Variants in KAZN observed in about 807,000 individuals in gnomAD.
The protein encoded by KAZN is kazrin, periplakin interacting protein.
Under a neutral mutation model 87.4 loss-of-function variants are expected in KAZN, and 40 were observed. The ratio of observed to expected loss-of-function variants is 0.46; its 90% confidence interval spans 0.36 to 0.60. KAZN has a LOEUF of 0.60. Ranked by LOEUF, KAZN falls within the 20% of genes least tolerant of loss-of-function variation. The pLI, the probability that KAZN is intolerant of heterozygous loss-of-function variation, is 0.00. For missense variants in KAZN, 898 were observed against 1,073.9 expected (o/e 0.84, Z 2.29); for synonymous variants, 466 against 458.3 (o/e 1.02, Z -0.22).
At chr1:13,961,581 A>T (rs1641755399) in intron 1 of KAZN, among the ~76,000 whole-genome samples, 1 of 152,202 alleles carries the variant, frequency 6.6e-6, no homozygotes, top group Admixed American at 6.5e-5. Context: ...ATTATCCAGA[A>T]GTTAATACAT....
At chr1:15,050,887 C>G (rs1048259631) in intron 4 of KAZN, among the ~76,000 whole-genome samples, 1 of 152,186 alleles carries the variant, frequency 6.6e-6, no homozygotes, top group Admixed American at 6.5e-5. Flanking sequence ...CCCATATTTG[C>G]CTCATCAGCT....
chr1:14,358,359 T>TA (rs57844400), intron 2 of KAZN, among the ~76,000 whole-genome samples: 42,178 of 148,652 alleles, frequency 0.28, 6,322 homozygotes, highest in South Asian at 0.45. Context: ...GTAAATCTTT[T>TA]AAAAAAAAAA....
chr1:14,644,064 T>G (rs1431292550), intron 1 of KAZN, among the ~76,000 whole-genome samples: 1 of 141,262 alleles, frequency 7.1e-6, no homozygotes, highest in Non-Finnish European at 1.5e-5. Flanking sequence ...CTGGCTGGAG[T>G]GCAGTGGCGC....
At chr1:14,845,330 C>T (rs574165349) in intron 1 of KAZN, among the ~76,000 whole-genome samples, 10 of 125,438 alleles carry the variant, frequency 8.0e-5, no homozygotes, top group East Asian at 7.7e-4. Context: ...GGTGGATGGA[C>T]GGATGGATGG....
chr1:14,565,821 T>C (rs775651223), intron 2 of KAZN, among the ~76,000 whole-genome samples: 13 of 152,228 alleles, frequency 8.5e-5, no homozygotes, highest in Non-Finnish European at 1.6e-4. Context: ...GATCCTGAGA[T>C]TCCAGTAATT....
chr1:14,445,021 A>C (rs72645931), intron 2 of KAZN, among the ~76,000 whole-genome samples: 4,112 of 131,020 alleles, frequency 0.031, 78 homozygotes, highest in Middle Eastern at 0.081. Context: ...ATCCAACATA[A>C]CCCGTGTGCT....
At chr1:14,941,735 G>A (rs1463625947) in intron 1 of KAZN, among the ~76,000 whole-genome samples, 2 of 152,134 alleles carry the variant, frequency 1.3e-5, no homozygotes, top group Non-Finnish European at 1.5e-5. Context: ...CATGAATGCC[G>A]AAAGCTGAAA....
intron 1 of KAZN, among the ~76,000 whole-genome samples, chr1:13,907,354 T>C (rs1325426849): frequency 1.3e-5 from 2 of 152,130 alleles, no homozygotes; most frequent in Admixed American, 1.3e-4. Context: ...GCCAGGATGC[T>C]TGGCAGGGTG....
At chr1:14,078,167 T>A (rs1643533615) in intron 1 of KAZN, among the ~76,000 whole-genome samples, 1 of 152,164 alleles carries the variant, frequency 6.6e-6, no homozygotes, top group Non-Finnish European at 1.5e-5. Context: ...GGCTTTGGGG[T>A]CAGGACACAT....
In KAZN at chr1:15,018,601, A is replaced by T. The variant is rs867225517; in HGVS notation, c.419-16148A>T. On this transcript the variant is annotated intron_variant, in intron 2 of 14. Coordinates refer to ENST00000376030, the MANE Select transcript of KAZN (RefSeq NM_201628.3). ...TGCAGAGACTTTAGGGAGTTGATTT[A>T]AAAAAAAAAAAACACTCCTTTCTTC... Among the ~76,000 whole-genome samples, 3 of 7,072 alleles carry T rather than the reference A, an allele frequency of 4.2e-4. 1 individual carries two copies. Among genetic ancestry groups the T allele is most frequent in the East Asian group, 8.5e-3 (1 of 118 alleles). 4.6% of individuals were successfully genotyped at this position (7,072 alleles called of 152,430 possible).
intron 2 of KAZN, among the ~76,000 whole-genome samples, chr1:14,513,543 A>G (rs1279165994): frequency 6.6e-6 from 1 of 152,178 alleles, no homozygotes; most frequent in East Asian, 1.9e-4. Context: ...CGTCTTTCTA[A>G]GGTACAGCAG....
At chr1:14,258,955 T>A (rs1650790416) in intron 2 of KAZN, among the ~76,000 whole-genome samples, 1 of 151,954 alleles carries the variant, frequency 6.6e-6, no homozygotes, top group South Asian at 2.1e-4. Flanking sequence ...AAATGCAGAG[T>A]AGCTCCAAAT....
chr1:14,245,032 C>A (rs1051845120), intron 2 of KAZN, among the ~76,000 whole-genome samples: 1 of 152,090 alleles, frequency 6.6e-6, no homozygotes, highest in Middle Eastern at 3.4e-3. Flanking sequence ...GAGATCTCGG[C>A]TCACTACTGC....
chr1:14,227,167 A>G (rs12723920), intron 2 of KAZN, among the ~76,000 whole-genome samples: 46,381 of 152,048 alleles, frequency 0.31, 7,254 homozygotes, highest in East Asian at 0.48. Context: ...ATACAGATTG[A>G]TAAAGTCAGA....
At chr1:14,644,201 G>A (rs991552146) in intron 1 of KAZN, among the ~76,000 whole-genome samples, 1 of 151,000 alleles carries the variant, frequency 6.6e-6, no homozygotes, top group Admixed American at 6.6e-5. Context: ...TATTAGAGAT[G>A]GGGTTTCACC....
chr1:14,187,274 C>T (rs1646328338), intron 2 of KAZN, among the ~76,000 whole-genome samples: 1 of 152,052 alleles, frequency 6.6e-6, no homozygotes, highest in Non-Finnish European at 1.5e-5. Flanking sequence ...AACATTAAAA[C>T]CTGGCTTCAG....
At chr1:14,405,293 T>C (rs116324134) in intron 2 of KAZN, among the ~76,000 whole-genome samples, 1,653 of 152,280 alleles carry the variant, frequency 0.011, 15 homozygotes, top group Non-Finnish European at 0.019. Context: ...AATGTGATAT[T>C]AGAATTGGTT....
At chr1:14,135,464 G>A (rs750434011) in intron 1 of KAZN, among the ~76,000 whole-genome samples, 4 of 152,208 alleles carry the variant, frequency 2.6e-5, no homozygotes, top group Admixed American at 2.0e-4. Flanking sequence ...TTAGCCTGCT[G>A]TCTGAAATGT....
chr1:14,565,573 A>C (rs142636610), intron 2 of KAZN, among the ~76,000 whole-genome samples: 13 of 152,316 alleles, frequency 8.5e-5, no homozygotes, highest in African/African-American at 2.6e-4. Context: ...CCTTTCGTTA[A>C]AGATTTCCCT....
Sources: gnomAD v4.1 joint callset for allele counts (sites outside exome capture counted in the v4.1 genomes callset) on GRCh38, gnomAD v4.1.1 for gene constraint, MANE v1.5 for transcripts, NCBI Gene and HGNC (gene_info 2026-07-23, HGNC 2026-07-21) for gene names.